The following BNC2 variants were observed in gnomAD, a reference collection of about 807,000 sequenced individuals.
The protein encoded by BNC2 is basonuclin zinc finger protein 2.
A neutral mutation model predicts 76.3 loss-of-function variants in BNC2; 20 were observed. The ratio of observed to expected loss-of-function variants is 0.26; its 90% CI spans 0.18 to 0.38. The LOEUF (loss-of-function observed/expected upper bound fraction) is 0.38. Ranked by LOEUF, BNC2 falls within the 10% of genes least tolerant of loss-of-function variation. The probability of loss-of-function intolerance (pLI) is 1.00; values close to 1 mark genes in which losing one functional copy is unlikely to be tolerated. For synonymous variants in BNC2, 582 were observed against 514.8 expected (o/e 1.13, Z -1.77); for missense variants, 1,382 against 1,399.8 (o/e 0.99, Z 0.20).
At chr9:16,611,233 G>T (rs1015149861) in intron 3 of BNC2, among the ~76,000 whole-genome samples, 1 of 152,126 alleles carries the variant, frequency 6.6e-6, no homozygotes, top group Non-Finnish European at 1.5e-5. Flanking sequence ...GCTATCAATC[G>T]TCCTGCCAGA....
intron 1 of BNC2, among the ~76,000 whole-genome samples, chr9:16,818,980 TAA>T (rs200064190): frequency 0.011 from 1,680 of 151,898 alleles, 35 homozygotes; most frequent in African/African-American, 0.039. Flanking sequence ...ACCTTGGCAA[TAA>T]AAAAAAGTCC....
chr9:16,469,869 C>T (rs1279119365), intron 5 of BNC2, among the ~76,000 whole-genome samples: 4 of 152,084 alleles, frequency 2.6e-5, no homozygotes, highest in Admixed American at 2.0e-4. Flanking sequence ...AGACTGGCAG[C>T]ATTTTGCCCC....
At chr9:16,676,714 A>T (rs1376455507) in intron 3 of BNC2, among the ~76,000 whole-genome samples, 1 of 152,230 alleles carries the variant, frequency 6.6e-6, no homozygotes. Context: ...TGCTAAGTTA[A>T]CCGCAGCAGC....
intron 1 of BNC2, among the ~76,000 whole-genome samples, chr9:16,856,263 A>ACT (rs201910443): frequency 2.1e-4 from 25 of 116,770 alleles, no homozygotes; most frequent in South Asian, 1.2e-3. Flanking sequence ...CTTCACACAC[A>ACT]CTCTCTCTCT....
At chr9:16,665,770 T>C (rs958825310) in intron 3 of BNC2, among the ~76,000 whole-genome samples, 1 of 152,182 alleles carries the variant, frequency 6.6e-6, no homozygotes, top group Non-Finnish European at 1.5e-5. Context: ...GTTAGTATCA[T>C]TACAAACATG....
chr9:16,800,390 A>G (rs1817751952), intron 1 of BNC2, among the ~76,000 whole-genome samples: 1 of 152,206 alleles, frequency 6.6e-6, no homozygotes, highest in South Asian at 2.1e-4. Context: ...CAAGGAGCAC[A>G]GCGTCTGTCC....
At position 16,672,907 on chromosome 9, in the gene BNC2, C is replaced by T. The variant is rs190376534; in HGVS notation, c.330+54890G>A. 6.6e-5 allele frequency among the ~76,000 whole-genome samples: 10 copies of T among 152,308 alleles called. No homozygotes were observed. The East Asian group carries it at 1.7e-3, about 26-fold the overall frequency. ...TCATTTGGGGACATAAAGAAACCAA[C>T]TTCACGGAGTCAAAGGAATAGAGAC... On this transcript the variant is annotated intron_variant, in intron 3 of 6. Transcript: ENST00000380672.
rs545012998 is a variant in BNC2 at position 16,833,008 on chromosome 9, G to GC, written c.3+37637dup. 5.4e-4 allele frequency among the ~76,000 whole-genome samples: 82 copies of GC among 151,920 alleles called. No homozygotes were observed. In the Middle Eastern group the frequency reaches 0.01, roughly 19 times the overall value. On this transcript the variant is annotated intron_variant, in intron 1 of 6. Transcript: ENST00000380672. The stretch of plus-strand genomic sequence containing the variant: ...CAAAGTGCTGGGATTACAGGTGTAA[G>GC]CCCCCCCGCCCTACCCAAATTCCTT...
chr9:16,662,547 C>T (rs1587287344), intron 3 of BNC2, among the ~76,000 whole-genome samples: 1 of 152,066 alleles, frequency 6.6e-6, no homozygotes, highest in African/African-American at 2.4e-5. Flanking sequence ...GCCAGCCTGG[C>T]CAATATGGTG....
rs754990664 is a variant in BNC2, at chr9:16,413,704, G to A, written c.*5285C>T. On this transcript the variant is annotated 3_prime_UTR_variant, in exon 7 of 7. Transcript: ENST00000380672. ...TCCAGCTACAGGAAATATGCGACTCGTCTGGGACAGATCAAACATGACCTT... is the reference window on the plus strand; with the variant it reads ...TCCAGCTACAGGAAATATGCGACTCATCTGGGACAGATCAAACATGACCTT... 6.6e-6 allele frequency: 1 copy of A among 152,164 alleles called. No homozygotes were observed. Among genetic ancestry groups the A allele is most frequent in the African/African-American group, 2.4e-5 (1 of 41,428 alleles). The allele number at this position is 152,164 out of a possible 1,614,324, so 9.4% of individuals were successfully genotyped here. A position where few individuals can be genotyped will look rare whatever the true frequency, so the allele number is the denominator to read the frequency against.
At chr9:16,677,578 A>ACACACACACACACACAC (rs61063092) in intron 3 of BNC2, among the ~76,000 whole-genome samples, 45 of 139,340 alleles carry the variant, frequency 3.2e-4, no homozygotes, top group African/African-American at 1.1e-3. Flanking sequence ...GTCTCAAACA[A>ACACACACACACACACAC]ACACACACAC....
At chr9:16,667,950 T>C (rs1822350861) in intron 3 of BNC2, among the ~76,000 whole-genome samples, 1 of 152,176 alleles carries the variant, frequency 6.6e-6, no homozygotes, top group East Asian at 1.9e-4. Context: ...TCCTTGGTTT[T>C]CCTGTCCTCT....
chr9:16,523,488 CA>C (rs1401735555), intron 5 of BNC2, among the ~76,000 whole-genome samples: 6 of 114,300 alleles, frequency 5.2e-5, no homozygotes, highest in African/African-American at 2.7e-4. Flanking sequence ...AAAAAAAAAA[CA>C]AAACAAAAAA....
intron 5 of BNC2, among the ~76,000 whole-genome samples, chr9:16,526,702 C>A (rs1168713026): frequency 6.6e-6 from 1 of 152,040 alleles, no homozygotes; most frequent in Non-Finnish European, 1.5e-5. Context: ...CTGAACTCCC[C>A]ATTGATATGA....
chr9:16,420,260 A>G (rs1422783318), intron 6 of BNC2, among the ~76,000 whole-genome samples: 1 of 152,200 alleles, frequency 6.6e-6, no homozygotes, highest in Non-Finnish European at 1.5e-5. Flanking sequence ...CAGATTAAGC[A>G]ATTTGAAATA....
chr9:16,818,332 A>T (rs1443434182), intron 1 of BNC2, among the ~76,000 whole-genome samples: 2 of 152,126 alleles, frequency 1.3e-5, no homozygotes, highest in African/African-American at 2.4e-5. Context: ...TGAACCTTGG[A>T]GGCGGAGCTT....
chr9:16,439,121 CCTT>C (rs1821077207), intron 5 of BNC2, among the ~76,000 whole-genome samples: 1 of 152,164 alleles, frequency 6.6e-6, no homozygotes, highest in Non-Finnish European at 1.5e-5. Flanking sequence ...CTTTGCTCCT[CCTT>C]TGCCTTCTGC....
chr9:16,598,577 G>C (rs76823650), intron 3 of BNC2, among the ~76,000 whole-genome samples: 2,982 of 152,222 alleles, frequency 0.02, 106 homozygotes, highest in African/African-American at 0.067. Context: ...AGACGTTTTG[G>C]ATACACTAGA....
chr9:16,659,466 T>G (rs1269367199), intron 3 of BNC2, among the ~76,000 whole-genome samples: 3 of 151,992 alleles, frequency 2.0e-5, no homozygotes, highest in East Asian at 1.9e-4. Context: ...AAATTAGCTG[T>G]GTGTGGTGGT....
Sources: gnomAD v4.1 joint callset for allele counts (sites outside exome capture counted in the v4.1 genomes callset) on GRCh38, gnomAD v4.1.1 for gene constraint, MANE v1.5 for transcripts, NCBI Gene and HGNC (gene_info 2026-07-23, HGNC 2026-07-21) for gene names.